Variants in NR3C2 observed in about 807,000 individuals in gnomAD.
NR3C2 encodes the protein nuclear receptor subfamily 3 group C member 2.
NR3C2 carries 15 observed loss-of-function variants against 86.4 expected under a neutral mutation model. The observed-to-expected ratio is 0.17, with a 90% CI of 0.12 to 0.27. The LOEUF (loss-of-function observed/expected upper bound fraction) is 0.27, where lower values mean the gene tolerates loss of function less well. NR3C2 is among the 10% of genes least tolerant of loss of function. The pLI is 1.00. For synonymous variants in NR3C2, 458 were observed against 450.5 expected, an observed-to-expected ratio of 1.02 and a Z score of -0.21; for missense variants, 960 against 1,195.6, an observed-to-expected ratio of 0.80 and a Z score of 2.91.
At chr4:148,395,651 T>C (rs939198666) in intron 2 of NR3C2, among the ~76,000 whole-genome samples, 1 of 152,174 alleles carries the variant, frequency 6.6e-6, no homozygotes, top group Non-Finnish European at 1.5e-5. Context: ...GTACATAATA[T>C]TGAACCATAC....
At position 148,371,152 on chromosome 4, in the gene NR3C2, C is replaced by A. The variant is rs540072920; in HGVS notation, c.1757+63952G>T. On this transcript the variant is annotated intron_variant, in intron 2 of 8. Transcript: ENST00000358102. ...AATCACATTGGGGTAAATGGGGAATCCATCACCTCGAGCATTTATTCTTTG... is the reference window on the plus strand; with the variant it reads ...AATCACATTGGGGTAAATGGGGAATACATCACCTCGAGCATTTATTCTTTG... 2.0e-5 allele frequency among the ~76,000 whole-genome samples: 3 copies of A among 152,288 alleles called. No homozygotes were observed. The South Asian group carries it at 6.2e-4, about 32-fold the overall frequency.
chr4:148,341,472 C>T (rs999448674), intron 2 of NR3C2, among the ~76,000 whole-genome samples: 3 of 151,806 alleles, frequency 2.0e-5, no homozygotes, highest in Non-Finnish European at 4.4e-5. Flanking sequence ...GAGGGAACGA[C>T]GAAGAGAGGT....
intron 2 of NR3C2, among the ~76,000 whole-genome samples, chr4:148,326,140 A>G (rs1204677788): frequency 1.5e-4 from 23 of 151,908 alleles, no homozygotes. Flanking sequence ...CCTGTAATCC[A>G]AGCACTTTGG....
chr4:148,388,840 A>G (rs534597101), intron 2 of NR3C2, among the ~76,000 whole-genome samples: 1 of 152,214 alleles, frequency 6.6e-6, no homozygotes, highest in African/African-American at 2.4e-5. Flanking sequence ...TACTTTCCCT[A>G]CTCCTCTGTA....
intron 5 of NR3C2, among the ~76,000 whole-genome samples, chr4:148,154,330 G>A (rs986782899): frequency 6.6e-6 from 1 of 152,156 alleles, no homozygotes; most frequent in African/African-American, 2.4e-5. Context: ...AGCCGTATCT[G>A]TCATTTTAAC....
chr4:148,088,044 G>C (rs924156726), intron 8 of NR3C2, among the ~76,000 whole-genome samples: 3 of 152,116 alleles, frequency 2.0e-5, no homozygotes, highest in Non-Finnish European at 4.4e-5. Flanking sequence ...TCAAAAAGTG[G>C]GCAAAGGATA....
chr4:148,166,173 G>C (rs1490764593), intron 4 of NR3C2, among the ~76,000 whole-genome samples: 2 of 152,198 alleles, frequency 1.3e-5, no homozygotes, highest in African/African-American at 4.8e-5. Flanking sequence ...AATTGGTCTG[G>C]AAACTCCCAG....
intron 2 of NR3C2, among the ~76,000 whole-genome samples, chr4:148,351,168 T>C (rs942096525): frequency 6.6e-6 from 1 of 152,178 alleles, no homozygotes; most frequent in African/African-American, 2.4e-5. Flanking sequence ...CTTTTTGAGA[T>C]GGAGTCTTGC....
At chr4:148,173,041 C>T (rs527680452) in intron 4 of NR3C2, among the ~76,000 whole-genome samples, 115 of 152,116 alleles carry the variant, frequency 7.6e-4, no homozygotes, top group Non-Finnish European at 1.3e-3. Flanking sequence ...ATTAGCACAG[C>T]GGGGGAATAT....
intron 8 of NR3C2, among the ~76,000 whole-genome samples, chr4:148,106,241 C>A (rs1294895421): frequency 1.3e-5 from 2 of 152,282 alleles, no homozygotes; most frequent in South Asian, 2.1e-4. Context: ...AGAGCCAAAT[C>A]ATGAATGAAC....
intron 2 of NR3C2, among the ~76,000 whole-genome samples, chr4:148,373,118 T>C (rs1746498452): frequency 6.6e-6 from 1 of 152,216 alleles, no homozygotes; most frequent in Non-Finnish European, 1.5e-5. Flanking sequence ...TTTTATTTGT[T>C]TGTCTTTCTA....
intron 2 of NR3C2, among the ~76,000 whole-genome samples, chr4:148,319,710 T>C (rs1743447060): frequency 6.6e-6 from 1 of 151,070 alleles, no homozygotes; most frequent in East Asian, 1.9e-4. Flanking sequence ...ATGCTTGTGA[T>C]TTTTGTACAT....
intron 6 of NR3C2, among the ~76,000 whole-genome samples, chr4:148,142,882 G>A (rs28368806): frequency 0.12 from 18,366 of 152,098 alleles, 1,256 homozygotes; most frequent in South Asian, 0.2. Flanking sequence ...TCATTTAAAA[G>A]TGTGTGGCGC....
At chr4:148,280,596 TTAAG>T (rs1382785713) in intron 2 of NR3C2, among the ~76,000 whole-genome samples, 1 of 152,172 alleles carries the variant, frequency 6.6e-6, no homozygotes, top group Non-Finnish European at 1.5e-5. Context: ...CATCCTAAGC[TTAAG>T]TAATCCTCCC....
intron 4 of NR3C2, among the ~76,000 whole-genome samples, chr4:148,164,181 C>T (rs1311587297): frequency 1.3e-5 from 2 of 152,150 alleles, no homozygotes; most frequent in East Asian, 1.9e-4. Context: ...GGTTATTTTA[C>T]TGTTACAGAC....
chr4:148,397,884 C>G (rs191991243), intron 2 of NR3C2, among the ~76,000 whole-genome samples: 58 of 152,278 alleles, frequency 3.8e-4, no homozygotes, highest in African/African-American at 7.5e-4. Flanking sequence ...CTTAAGACAA[C>G]AGAAATTTAT....
At chr4:148,398,388 T>C (rs937083229) in intron 2 of NR3C2, among the ~76,000 whole-genome samples, 58 of 152,220 alleles carry the variant, frequency 3.8e-4, no homozygotes, top group African/African-American at 1.3e-3. Context: ...TTGAGGGCAG[T>C]ACATTCTTTT....
At chr4:148,154,010 ATTTCT>A (rs1734227074) in intron 5 of NR3C2, among the ~76,000 whole-genome samples, 1 of 146,926 alleles carries the variant, frequency 6.8e-6, no homozygotes, top group African/African-American at 2.5e-5. Flanking sequence ...TTTATTTTTA[ATTTCT>A]TTTTTTTTTT....
intron 2 of NR3C2, among the ~76,000 whole-genome samples, chr4:148,348,750 T>A (rs1408452518): frequency 6.6e-6 from 1 of 152,158 alleles, no homozygotes; most frequent in Admixed American, 6.6e-5. Context: ...GGTTTTAATA[T>A]CCTATTCTAC....
Sources: gnomAD v4.1 joint callset for allele counts (sites outside exome capture counted in the v4.1 genomes callset) on GRCh38, gnomAD v4.1.1 for gene constraint, MANE v1.5 for transcripts, NCBI Gene and HGNC (gene_info 2026-07-23, HGNC 2026-07-21) for gene names.